Variants in GRID2 observed in about 807,000 individuals in gnomAD.
GRID2 encodes the protein glutamate ionotropic receptor delta type subunit 2, also known as glutamate receptor ionotropic, delta-2.
A neutral mutation model predicts 114.8 loss-of-function variants in GRID2; 33 were observed. The ratio of observed to expected loss-of-function variants is 0.29; its 90% confidence interval spans 0.22 to 0.38. GRID2 has a LOEUF of 0.38. Among genes scored for constraint, GRID2 ranks in the 10% least tolerant of loss-of-function variants. The pLI, the probability that GRID2 is intolerant of heterozygous loss-of-function variation, is 1.00. For missense variants in GRID2, 1,184 were observed against 1,257.7 expected (o/e 0.94, Z 0.89); for synonymous variants, 505 against 449.9 (o/e 1.12, Z -1.55).
intron 1 of GRID2, among the ~76,000 whole-genome samples, chr4:92,322,216 C>T (rs1016471591): frequency 3.9e-5 from 6 of 151,908 alleles, no homozygotes; most frequent in African/African-American, 1.5e-4. Flanking sequence ...TTAAGGTTAA[C>T]TGTTCTTTCA....
intron 8 of GRID2, among the ~76,000 whole-genome samples, chr4:93,311,955 AAG>A (rs1400409496): frequency 2.0e-5 from 3 of 152,206 alleles, no homozygotes; most frequent in Admixed American, 1.3e-4. Flanking sequence ...TGGGATGAGA[AAG>A]AGAAGAAAAA....
At chr4:92,446,691 T>C (rs1389477388) in intron 1 of GRID2, among the ~76,000 whole-genome samples, 1 of 152,228 alleles carries the variant, frequency 6.6e-6, no homozygotes, top group Non-Finnish European at 1.5e-5. Flanking sequence ...CACTACATTT[T>C]GTATATTTAC....
chr4:93,683,540 G>A (rs1029062470), intron 14 of GRID2, among the ~76,000 whole-genome samples: 19 of 152,174 alleles, frequency 1.2e-4, no homozygotes, highest in African/African-American at 2.6e-4. Context: ...ATTCTGAGTC[G>A]TAAAGTGAGG....
At chr4:93,552,835 C>T (rs1178807657) in intron 13 of GRID2, among the ~76,000 whole-genome samples, 4 of 141,824 alleles carry the variant, frequency 2.8e-5, no homozygotes, top group Non-Finnish European at 4.5e-5. Flanking sequence ...TCCCTGTGTC[C>T]ATGTGTTCTC....
At chr4:92,728,422 T>A (rs1188381215) in intron 2 of GRID2, among the ~76,000 whole-genome samples, 1 of 152,052 alleles carries the variant, frequency 6.6e-6, no homozygotes, top group African/African-American at 2.4e-5. Flanking sequence ...TGTGGGAAAT[T>A]GGAGATCTAC....
chr4:92,681,719 G>A (rs1733658181), intron 2 of GRID2, among the ~76,000 whole-genome samples: 1 of 152,070 alleles, frequency 6.6e-6, no homozygotes, highest in African/African-American at 2.4e-5. Context: ...TTGTACACAA[G>A]AAAGAGTGAT....
At chr4:93,264,178 T>C (rs551893210) in intron 8 of GRID2, among the ~76,000 whole-genome samples, 36 of 152,292 alleles carry the variant, frequency 2.4e-4, no homozygotes, top group African/African-American at 8.4e-4. Context: ...GCAAAGAATA[T>C]GTTATTTTTG....
chr4:92,400,637 T>C (rs915353239), intron 1 of GRID2, among the ~76,000 whole-genome samples: 4 of 152,126 alleles, frequency 2.6e-5, no homozygotes, highest in African/African-American at 7.2e-5. Context: ...GTGAAATTGC[T>C]GGGTTCTATG....
At chr4:92,445,315 C>T (rs888307027) in intron 1 of GRID2, among the ~76,000 whole-genome samples, 1 of 152,168 alleles carries the variant, frequency 6.6e-6, no homozygotes, top group Non-Finnish European at 1.5e-5. Context: ...TGAGATGCAT[C>T]ATTCCTGACA....
At chr4:93,586,043 T>C (rs1435343881) in intron 13 of GRID2, among the ~76,000 whole-genome samples, 2 of 152,136 alleles carry the variant, frequency 1.3e-5, no homozygotes, top group African/African-American at 4.8e-5. Flanking sequence ...GCCAAACCTA[T>C]GGCTCCAGCA....
chr4:92,756,985 T>G (rs1488221513), intron 2 of GRID2, among the ~76,000 whole-genome samples: 1 of 152,102 alleles, frequency 6.6e-6, no homozygotes, highest in African/African-American at 2.4e-5. Flanking sequence ...CTTCGTTTTG[T>G]TTCCTGTGAT....
intron 8 of GRID2, among the ~76,000 whole-genome samples, chr4:93,364,504 C>A (rs887851094): frequency 1.3e-4 from 20 of 151,986 alleles, no homozygotes; most frequent in African/African-American, 4.8e-4. Context: ...AAGAGTCTTG[C>A]TCTGTCACTC....
At chr4:93,016,064 T>A (rs1236059796) in intron 2 of GRID2, among the ~76,000 whole-genome samples, 2 of 127,290 alleles carry the variant, frequency 1.6e-5, no homozygotes, top group Non-Finnish European at 3.4e-5. Flanking sequence ...TGTGTGTGAG[T>A]GTGTGTGTGT....
chr4:93,699,464 G>T (rs1727321850), intron 14 of GRID2, among the ~76,000 whole-genome samples: 1 of 152,114 alleles, frequency 6.6e-6, no homozygotes, highest in Admixed American at 6.6e-5. Context: ...TGTTATGCAA[G>T]AACTATGCTG....
intron 14 of GRID2, among the ~76,000 whole-genome samples, chr4:93,749,987 A>T (rs1047918519): frequency 6.6e-6 from 1 of 152,202 alleles, no homozygotes; most frequent in Non-Finnish European, 1.5e-5. Context: ...GTGCTCAATA[A>T]ATGTGAGACA....
chr4:92,443,048 T>A (rs907823446), intron 1 of GRID2, among the ~76,000 whole-genome samples: 6 of 151,994 alleles, frequency 3.9e-5, no homozygotes, highest in African/African-American at 7.3e-5. Context: ...CAGATGGGTC[T>A]GTAGAAAAGG....
intron 2 of GRID2, among the ~76,000 whole-genome samples, chr4:93,050,997 A>G (rs1204224801): frequency 6.6e-6 from 1 of 152,040 alleles, no homozygotes; most frequent in Non-Finnish European, 1.5e-5. Flanking sequence ...AGGTCATACC[A>G]CTGAGGGATT....
intron 13 of GRID2, among the ~76,000 whole-genome samples, chr4:93,538,683 C>T (rs938824210): frequency 6.6e-6 from 1 of 151,538 alleles, no homozygotes; most frequent in Non-Finnish European, 1.5e-5. Flanking sequence ...AATTCATAAC[C>T]CAAGTCTAAT....
intron 8 of GRID2, among the ~76,000 whole-genome samples, chr4:93,270,529 A>T (rs2149567836): frequency 6.6e-6 from 1 of 152,244 alleles, no homozygotes; most frequent in South Asian, 2.1e-4. Context: ...ACAGCACATC[A>T]TCCTATCCTA....
Sources: gnomAD v4.1 joint callset for allele counts (sites outside exome capture counted in the v4.1 genomes callset) on GRCh38, gnomAD v4.1.1 for gene constraint, MANE v1.5 for transcripts, NCBI Gene and HGNC (gene_info 2026-07-23, HGNC 2026-07-21) for gene names.